PLOD2: variants seen among roughly 807,000 people sequenced by gnomAD.
The protein encoded by PLOD2 is procollagen-lysine,2-oxoglutarate 5-dioxygenase 2.
Under a neutral mutation model 101.0 loss-of-function variants are expected in PLOD2, and 65 were observed. The ratio of observed to expected loss-of-function variants is 0.64; its 90% CI spans 0.53 to 0.79. The LOEUF is 0.79. PLOD2 is among the 30% of genes least tolerant of loss of function. PLOD2 has a pLI of 0.00. For synonymous variants in PLOD2, 314 were observed against 302.9 expected, an observed-to-expected ratio of 1.04 and a Z score of -0.38; for missense variants, 909 against 914.6, an observed-to-expected ratio of 0.99 and a Z score of 0.08.
intron 11 of PLOD2, among the ~76,000 whole-genome samples, chr3:146,083,438 A>G (rs959786284): frequency 6.6e-6 from 1 of 152,194 alleles, no homozygotes; most frequent in Non-Finnish European, 1.5e-5. Flanking sequence ...TATAGAAACC[A>G]CATGTCTAGA....
rs141850775 is a variant in PLOD2, at chr3:146,076,812, A to G, written c.1647T>C (p.Asn549=). The G allele has an allele frequency of 8.6e-4, 1,351 of 1,574,850 alleles. 5 individuals carry two copies. The African/African-American group carries it at 0.014, about 16-fold the overall frequency. ...GATTTTCAAAAATCTGCCAGAGGTC[A>G]TTGTTATAATGGGAAGTATTGTAAT... is the stretch of plus-strand genomic sequence containing the variant. ...TANYNTSHYN[N]DLWQIFENPV... Residue 549 remains asparagine (N), a synonymous_variant, in exon 15 of 20, where the codon AAT becomes AAC. Coordinates refer to ENST00000282903, the MANE Select transcript of PLOD2 (RefSeq NM_182943.3).
intron 12 of PLOD2, 133 bp downstream of exon 12, chr3:146,081,605 G>A (rs916803069): frequency 1.5e-6 from 1 of 645,174 alleles, no homozygotes; most frequent in South Asian, 1.9e-5. Context: ...GATTCCAAGT[G>A]GTCTTGGGTT....
chr3:146,111,492 A>G (rs181978966), intron 3 of PLOD2, among the ~76,000 whole-genome samples: 1 of 152,256 alleles, frequency 6.6e-6, no homozygotes, highest in East Asian at 1.9e-4. Context: ...GTTATAATTT[A>G]AAAAAATTAA....
intron 1 of PLOD2, among the ~76,000 whole-genome samples, chr3:146,141,618 A>C (rs1231344582): frequency 6.6e-6 from 1 of 152,114 alleles, no homozygotes; most frequent in Non-Finnish European, 1.5e-5. Flanking sequence ...TGGTAAACGA[A>C]GTAAATGCTG....
intron 2 of PLOD2, among the ~76,000 whole-genome samples, chr3:146,121,738 C>G (rs1320453988): frequency 6.6e-6 from 1 of 152,120 alleles, no homozygotes; most frequent in African/African-American, 2.4e-5. Context: ...ACCTTCTTTA[C>G]CTTATACATC....
chr3:146,076,743 G>T, intron 15 of PLOD2, 39 bp downstream of exon 15: 2 of 980,470 alleles, frequency 2.0e-6, no homozygotes, highest in Non-Finnish European at 3.3e-6. Context: ...ACCACTTACA[G>T]TTATAGAAAA....
At chr3:146,092,714 G>A (rs1937017706) in intron 7 of PLOD2, among the ~76,000 whole-genome samples, 1 of 152,010 alleles carries the variant, frequency 6.6e-6, no homozygotes, top group Admixed American at 6.5e-5. Flanking sequence ...GTGGTGTGAA[G>A]GAAGAAGGAT....
At chr3:146,131,660 C>T (rs2030918239) in intron 1 of PLOD2, among the ~76,000 whole-genome samples, 1 of 152,160 alleles carries the variant, frequency 6.6e-6, no homozygotes, top group Non-Finnish European at 1.5e-5. Context: ...GAAAACAAGA[C>T]TTATCCAGGA....
At chr3:146,081,681 A>G in intron 12 of PLOD2, 57 bp downstream of exon 12, 15 of 1,466,926 alleles carry the variant, frequency 1.0e-5, no homozygotes, top group Non-Finnish European at 1.3e-5. Context: ...AATACTAACA[A>G]GACTACATCT....
rs141049355 is a variant in PLOD2, at chr3:146,136,371, A to G, written c.110-12142T>C. On this transcript the variant is annotated intron_variant, in intron 1 of 19. Transcript: ENST00000282903. ...ACTTTTTGAGTGCTGAAAGACCACAAGTGTAAAATTCTACACCTGACCTAA... is the reference window on the plus strand; with the variant it reads ...ACTTTTTGAGTGCTGAAAGACCACAGGTGTAAAATTCTACACCTGACCTAA... 6.7e-3 allele frequency among the ~76,000 whole-genome samples: 1,021 copies of G among 152,310 alleles called. 7 individuals are homozygous for G. The highest frequency in any genetic ancestry group is 0.017 in the Middle Eastern group (5 of 294).
chr3:146,087,800 C>T (rs758677856), intron 9 of PLOD2, among the ~76,000 whole-genome samples: 3 of 151,760 alleles, frequency 2.0e-5, no homozygotes, highest in Non-Finnish European at 3.0e-5. Flanking sequence ...TATATTACAA[C>T]ATATTTTACA....
In PLOD2 at chr3:146,161,081, AGCCGCCGATT is replaced by A. The variant is rs2032561092; in HGVS notation, c.-102_-93del. On this transcript the variant is annotated 5_prime_UTR_variant, in exon 1 of 20. Coordinates refer to ENST00000282903, the MANE Select transcript of PLOD2 (RefSeq NM_182943.3). ...AACGCAGAGACCCGGGTCCGCCCTG[AGCCGCCGATT>A]GCGGGCGGGAGCCGGCGGGCAAGGC... 2.5e-6 allele frequency: 2 copies of A among 793,886 alleles called. No homozygotes were observed. Among genetic ancestry groups the A allele is most frequent in the Non-Finnish European group, 3.7e-6 (2 of 545,602 alleles). 49.2% of individuals were successfully genotyped at this position (793,886 alleles called of 1,614,324 possible).
chr3:146,148,338 G>GCACGCACACACA (rs1553742438), intron 1 of PLOD2, among the ~76,000 whole-genome samples: 6 of 146,446 alleles, frequency 4.1e-5, no homozygotes, highest in Admixed American at 1.4e-4. Context: ...AGGCAGGCAC[G>GCACGCACACACA]CACACACACA....
intron 15 of PLOD2, among the ~76,000 whole-genome samples, chr3:146,074,871 T>A (rs9869137): frequency 0.78 from 117,841 of 151,428 alleles, 45,934 homozygotes; most frequent in East Asian, 0.83. Context: ...TATCCCTCAC[T>A]AGGCATATTA....
At chr3:146,081,294 C>T (rs1936531699) in intron 12 of PLOD2, among the ~76,000 whole-genome samples, 2 of 152,058 alleles carry the variant, frequency 1.3e-5, no homozygotes, top group East Asian at 1.9e-4. Context: ...CTATTTCACA[C>T]AAAAAAACTC....
At chr3:146,106,849 C>T (rs1937543729) in intron 4 of PLOD2, among the ~76,000 whole-genome samples, 1 of 152,094 alleles carries the variant, frequency 6.6e-6, no homozygotes. Context: ...TGTTTGCTAC[C>T]AACTGCAAAA....
chr3:146,098,125 G>A (rs577452749), intron 7 of PLOD2, among the ~76,000 whole-genome samples: 27 of 152,150 alleles, frequency 1.8e-4, no homozygotes, highest in Admixed American at 1.4e-3. Flanking sequence ...CCTAGATGAC[G>A]GATTGACAGG....
intron 1 of PLOD2, among the ~76,000 whole-genome samples, chr3:146,157,927 C>T (rs2032379370): frequency 6.6e-6 from 1 of 152,070 alleles, no homozygotes; most frequent in African/African-American, 2.4e-5. Flanking sequence ...TCCTTTTTTC[C>T]TTGAATGTAC....
intron 3 of PLOD2, among the ~76,000 whole-genome samples, chr3:146,115,224 T>C (rs1937852273): frequency 6.6e-6 from 1 of 152,082 alleles, no homozygotes; most frequent in African/African-American, 2.4e-5. Context: ...GTCATAAAAA[T>C]ATTCTCACAG....
Sources: allele counts gnomAD v4.1 joint callset (sites outside exome capture counted in the v4.1 genomes callset), GRCh38; gene constraint gnomAD v4.1.1; transcripts MANE v1.5; gene names NCBI Gene and HGNC (gene_info 2026-07-23, HGNC 2026-07-21).